The following PTPN21 variants were observed in gnomAD, a reference collection of about 807,000 sequenced individuals.
PTPN21 encodes the protein tyrosine-protein phosphatase non-receptor type 21.
In PTPN21, 77 loss-of-function variants were observed where a neutral mutation model predicts 131.8. The ratio of observed to expected loss-of-function variants is 0.58; its 90% CI spans 0.49 to 0.71. The LOEUF (loss-of-function observed/expected upper bound fraction) is 0.71. Among genes scored for constraint, PTPN21 ranks in the 30% least tolerant of loss-of-function variants. The probability of loss-of-function intolerance (pLI) is 0.00; values close to 1 mark genes in which losing one functional copy is unlikely to be tolerated. For synonymous variants in PTPN21, 715 were observed against 621.3 expected, an observed-to-expected ratio of 1.15 and a Z score of -2.24; for missense variants, 1,552 against 1,527.1, an observed-to-expected ratio of 1.02 and a Z score of -0.27.
chr14:88,488,845 A>G (rs1450008716), intron 10 of PTPN21, among the ~76,000 whole-genome samples: 2 of 152,158 alleles, frequency 1.3e-5, no homozygotes, highest in Non-Finnish European at 2.9e-5. Flanking sequence ...AAAAAAAAGA[A>G]AAAAGTCTAC....
In PTPN21 at chr14:88,505,041, T is replaced by C. The variant is rs114483215; in HGVS notation, c.516+263A>G. On this transcript the variant is annotated intron_variant, in intron 5 of 18. Coordinates refer to ENST00000556564, the MANE Select transcript of PTPN21 (RefSeq NM_007039.4). Reference sequence around the variant, plus strand: ...TCCTGAGAAGCTGAAAATGAATCCTTCTTTTTAAACTCACAAATAGAAAAC... The same window carrying C: ...TCCTGAGAAGCTGAAAATGAATCCTCCTTTTTAAACTCACAAATAGAAAAC... 5.4e-3 allele frequency among the ~76,000 whole-genome samples: 826 copies of C among 152,270 alleles called. 11 individuals are homozygous for C. The highest frequency in any genetic ancestry group is 0.019 in the African/African-American group (797 of 41,562).
intron 10 of PTPN21, among the ~76,000 whole-genome samples, chr14:88,491,731 A>C (rs770993276): frequency 5.3e-5 from 8 of 152,272 alleles, no homozygotes; most frequent in Non-Finnish European, 1.0e-4. Flanking sequence ...ATAAGTAATT[A>C]CATAGGAATA....
chr14:88,476,982 A>G (rs1009270139), intron 13 of PTPN21, among the ~76,000 whole-genome samples: 2 of 152,176 alleles, frequency 1.3e-5, no homozygotes, highest in Non-Finnish European at 2.9e-5. Context: ...ACTGAGCTGT[A>G]CTCAGATAGC....
intron 2 of PTPN21, among the ~76,000 whole-genome samples, chr14:88,548,275 C>T (rs1391930575): frequency 2.0e-5 from 3 of 152,218 alleles, no homozygotes; most frequent in South Asian, 4.1e-4. Context: ...TTCCCCACTA[C>T]CCTCAGGATA....
Position 88,486,618 on chromosome 14 carries a change from C to T in PTPN21, c.933-776G>A, listed in dbSNP as rs753527846. ...AAAGCACAAGACTTGGTTCAGTGAG[C>T]CGATGGTAAACCCATTTACCTTTCT... is the stretch of plus-strand genomic sequence containing the variant. On this transcript the variant is annotated intron_variant, in intron 10 of 18. Transcript: ENST00000556564. Among the ~76,000 whole-genome samples the T allele has an allele frequency of 2.0e-5, 3 of 152,268 alleles. No homozygotes were observed. The South Asian group carries it at 6.2e-4, about 32-fold the overall frequency.
At chr14:88,506,661 G>A (rs768763067) in intron 4 of PTPN21, among the ~76,000 whole-genome samples, 5 of 152,104 alleles carry the variant, frequency 3.3e-5, no homozygotes, top group South Asian at 4.1e-4. Flanking sequence ...GTGGGGTGAG[G>A]GATAAAAGTC....
At chr14:88,483,165 T>TCG (rs890377873) in intron 12 of PTPN21, among the ~76,000 whole-genome samples, 2 of 141,614 alleles carry the variant, frequency 1.4e-5, no homozygotes, top group African/African-American at 5.3e-5. Context: ...TGAGCCGAGA[T>TCG]CGCGCCACTT....
chr14:88,517,663 C>CATATAT (rs1182451849), intron 2 of PTPN21, among the ~76,000 whole-genome samples: 161 of 5,156 alleles, frequency 0.031, 4 homozygotes, highest in African/African-American at 0.041. Flanking sequence ...TATATATACA[C>CATATAT]ATACACACAC....
intron 6 of PTPN21, among the ~76,000 whole-genome samples, chr14:88,503,514 T>C (rs1403419153): frequency 6.6e-6 from 1 of 152,192 alleles, no homozygotes; most frequent in Non-Finnish European, 1.5e-5. Context: ...ACAAATTCAG[T>C]AGGAACTGTA....
At chr14:88,547,386 GC>G (rs1279711946) in intron 2 of PTPN21, 1 of 166,772 alleles carries the variant, frequency 6.0e-6, no homozygotes, top group East Asian at 1.9e-4. Flanking sequence ...GGTGGCACAC[GC>G]CTGTAATCCC....
At chr14:88,540,352 A>G (rs1428049626) in intron 2 of PTPN21, among the ~76,000 whole-genome samples, 1 of 152,236 alleles carries the variant, frequency 6.6e-6, no homozygotes, top group Non-Finnish European at 1.5e-5. Context: ...AGCACAGGGC[A>G]TGGAATATGG....
Position 88,504,453 on chromosome 14 carries a change from T to C in PTPN21, c.559A>G (p.Lys187Glu). ...DEKVLEEATQKVALLHQKYRG... is the reference protein window; with the variant it reads ...DEKVLEEATQEVALLHQKYRG... ...TATTTCTGATGTAGTAAGGCCACTTTTTGGGTTGCTTCTTCCAATACTTTT... is the reference window on the plus strand; with the variant it reads ...TATTTCTGATGTAGTAAGGCCACTTCTTGGGTTGCTTCTTCCAATACTTTT... The change falls in exon 6 of 19, where the codon AAA (lysine) becomes GAA (glutamate). Residue 187 changes from lysine to glutamate, a missense_variant. Lys to Glu is a moderately conservative substitution (Grantham distance 56). Coordinates refer to ENST00000556564, the MANE Select transcript of PTPN21 (RefSeq NM_007039.4). 1 of 1,612,892 alleles carries C rather than the reference T, an allele frequency of 6.2e-7. No homozygotes were observed. Among genetic ancestry groups the C allele is most frequent in the Non-Finnish European group, 8.5e-7 (1 of 1,178,894 alleles).
intron 7 of PTPN21, 173 bp from the exon 8 acceptor site, chr14:88,501,044 A>T (rs773447143): frequency 2.3e-5 from 15 of 640,286 alleles, no homozygotes; most frequent in Non-Finnish European, 4.1e-5. Context: ...AAGTATAAAA[A>T]TTGAAAAAGT....
chr14:88,550,049 G>A (rs112154989), intron 2 of PTPN21, among the ~76,000 whole-genome samples, 189 bp downstream of exon 2: 1,556 of 152,260 alleles, frequency 0.01, 20 homozygotes, highest in African/African-American at 0.036. Flanking sequence ...CTCCCAAAGT[G>A]CTGGGATTAC....
chr14:88,537,549 A>T (rs2078647923), intron 2 of PTPN21, among the ~76,000 whole-genome samples: 2 of 152,176 alleles, frequency 1.3e-5, no homozygotes, highest in Non-Finnish European at 2.9e-5. Context: ...CATGAGAACA[A>T]AATTCCTGCC....
chr14:88,508,214 T>A (rs1173703856), intron 3 of PTPN21, among the ~76,000 whole-genome samples, 194 bp from the exon 4 acceptor site: 3 of 151,702 alleles, frequency 2.0e-5, no homozygotes, highest in Non-Finnish European at 4.4e-5. Flanking sequence ...AGTGGCATGA[T>A]TACTGCTCAC....
chr14:88,467,120 A>C lies in PTPN21; in HGVS notation c.*1017T>G, dbSNP rs1029941772. ...ATAATACTGCATTTTTGTAAAGACG[A>C]AGGCATCCTGCATTTACCATCACAC... On this transcript the variant is annotated 3_prime_UTR_variant, in exon 19 of 19. Coordinates refer to ENST00000556564, the MANE Select transcript of PTPN21 (RefSeq NM_007039.4). 1 of 152,148 alleles carries C rather than the reference A, an allele frequency of 6.6e-6. No individual in the cohort carries two copies. The highest frequency in any genetic ancestry group is 2.4e-5 in the African/African-American group (1 of 41,424). The allele number at this position is 152,148 out of a possible 1,614,324, so 9.4% of individuals were successfully genotyped here. A position where few individuals can be genotyped will look rare whatever the true frequency, so the allele number is the denominator to read the frequency against.
chr14:88,480,421 G>C lies in PTPN21; in HGVS notation c.1079-69C>G, dbSNP rs544635804. 3.3e-6 allele frequency: 4 copies of C among 1,205,700 alleles called. No individual in the cohort carries two copies. In the African/African-American group the frequency reaches 6.0e-5, roughly 18 times the overall value. The allele number at this position is 1,205,700 out of a possible 1,614,324, so 74.7% of individuals were successfully genotyped here. A position where few individuals can be genotyped will look rare whatever the true frequency, so the allele number is the denominator to read the frequency against. On this transcript the variant is annotated intron_variant, in intron 12 of 18. Coordinates refer to ENST00000556564, the MANE Select transcript of PTPN21 (RefSeq NM_007039.4). ...ATTACTCCAACCAAATACTGAGATC[G>C]GCCCTTACCTCTGATGACATTTTTA...
intron 12 of PTPN21, among the ~76,000 whole-genome samples, chr14:88,484,047 G>GTT (rs57042782): frequency 0.03 from 4,318 of 143,698 alleles, 88 homozygotes; most frequent in African/African-American, 0.046. Context: ...ATTCTAAGGT[G>GTT]TTTTTTTTTT....
Sources: gnomAD v4.1 joint callset for allele counts (sites outside exome capture counted in the v4.1 genomes callset) on GRCh38, gnomAD v4.1.1 for gene constraint, MANE v1.5 for transcripts, NCBI Gene and HGNC (gene_info 2026-07-23, HGNC 2026-07-21) for gene names.